Variants in SRSF3 observed in about 807,000 individuals in gnomAD.
The protein encoded by SRSF3 is serine/arginine-rich splicing factor 3.
For missense variants in SRSF3, 58 were observed against 217.1 expected (o/e 0.27, Z 4.61); for synonymous variants, 87 against 73.6 (o/e 1.18, Z -0.93).
Position 36,598,504 on chromosome 6 carries a change from C to T in SRSF3, c.207-345C>T, listed in dbSNP as rs567277726. ...GTTCAAGTGATTCTCCTGCCTCAGC[C>T]GCCTGAGTAGCTGGGATTACAGGCA... On this transcript the variant is annotated intron_variant, in intron 2 of 5. Transcript: ENST00000373715. 245 of 202,864 alleles carry T rather than the reference C, an allele frequency of 1.2e-3. 3 individuals carry two copies. The highest frequency in any genetic ancestry group is 5.1e-3 in the African/African-American group (219 of 42,774). The allele number at this position is 202,864 out of a possible 1,614,324, so 12.6% of individuals were successfully genotyped here.
At chr6:36,600,559 G>GT (rs953379575) in intron 3 of SRSF3, 7 of 153,236 alleles carry the variant, frequency 4.6e-5, no homozygotes, top group African/African-American at 1.7e-4. Context: ...CCTTTAAATG[G>GT]TTTTACTAAC....
intron 3 of SRSF3, chr6:36,599,657 G>A (rs534214444): frequency 6.3e-6 from 3 of 475,592 alleles, no homozygotes; most frequent in Non-Finnish European, 1.1e-5. Flanking sequence ...GGAGACAGGA[G>A]TTCAAAATCT....
chr6:36,600,078 G>A, intron 3 of SRSF3: 1 of 1,185,382 alleles, frequency 8.4e-7, no homozygotes, highest in South Asian at 1.6e-5. Flanking sequence ...CAGCTCAGCT[G>A]TTTATTTACC....
intron 2 of SRSF3, 52 bp from the exon 3 acceptor site, chr6:36,598,797 A>T: frequency 6.3e-7 from 1 of 1,598,460 alleles, no homozygotes; most frequent in Non-Finnish European, 8.5e-7. Flanking sequence ...TGGCTTTAAT[A>T]CGCATGTCAG....
chr6:36,596,531 T>A (rs1332020313), intron 1 of SRSF3, among the ~76,000 whole-genome samples: 1 of 119,468 alleles, frequency 8.4e-6, no homozygotes, highest in African/African-American at 3.3e-5. Flanking sequence ...CACTAATTGC[T>A]GGCTTCCTGA....
intron 1 of SRSF3, among the ~76,000 whole-genome samples, 194 bp from the exon 2 acceptor site, chr6:36,596,567 G>A (rs530200144): frequency 4.0e-5 from 3 of 75,312 alleles, no homozygotes; most frequent in South Asian, 4.5e-4. Context: ...ATAATGGGGC[G>A]GGGTGGCGGG....
chr6:36,604,007 T>A lies in SRSF3; in HGVS notation c.*2018T>A, dbSNP rs1027773309. On this transcript the variant is annotated 3_prime_UTR_variant, in exon 6 of 6. Coordinates refer to ENST00000373715, the MANE Select transcript of SRSF3 (RefSeq NM_003017.5). Reference sequence around the variant, plus strand: ...GTGACATACAGTCCCAGTTGGCAGTTACTTTAACCAGGAGCCCTAGCATAA... The same window carrying A: ...GTGACATACAGTCCCAGTTGGCAGTAACTTTAACCAGGAGCCCTAGCATAA... 6.1e-4 allele frequency: 141 copies of A among 230,486 alleles called. No homozygotes were observed. The highest frequency in any genetic ancestry group is 1.3e-4 in the Non-Finnish European group (15 of 116,522). 14.3% of individuals were successfully genotyped at this position (230,486 alleles called of 1,614,324 possible). A position where few individuals can be genotyped will look rare whatever the true frequency, so the allele number is the denominator to read the frequency against.
intron 3 of SRSF3, among the ~76,000 whole-genome samples, chr6:36,599,198 T>C (rs1164926741): frequency 6.6e-6 from 1 of 152,220 alleles, no homozygotes; most frequent in Non-Finnish European, 1.5e-5. Context: ...GTAACTTCTA[T>C]CTTGGATCTG....
rs973511107 is a variant in SRSF3, at chr6:36,603,790, A to G, written c.*1801A>G. 3.5e-5 allele frequency: 8 copies of G among 231,668 alleles called. No individual in the cohort carries two copies. The highest frequency in any genetic ancestry group is 5.1e-5 in the Non-Finnish European group (6 of 117,050). 14.4% of individuals were successfully genotyped at this position (231,668 alleles called of 1,614,324 possible). A position where few individuals can be genotyped will look rare whatever the true frequency, so the allele number is the denominator to read the frequency against. ...GCTAAGAAGTTACGGAAGCCATGCA[A>G]TATGTCAATTACATTGCTTTTTATA... On this transcript the variant is annotated 3_prime_UTR_variant, in exon 6 of 6. Transcript: ENST00000373715.
In SRSF3 at chr6:36,596,783, A is replaced by G. The variant is rs369334022; in HGVS notation, c.21A>G (p.Pro7=). Reference sequence around the variant, plus strand: ...CAGAAATGCATCGTGATTCCTGTCCATTGGACTGTAAGGTTTATGTAGGCA... The same window carrying G: ...CAGAAATGCATCGTGATTCCTGTCCGTTGGACTGTAAGGTTTATGTAGGCA... MHRDSC[P]LDCKVYVGNL... The change falls in exon 2 of 6, where the codon CCA becomes CCG. Residue 7 remains proline (P), a synonymous_variant. Transcript: ENST00000373715. 19 of 1,613,870 alleles carry G rather than the reference A, an allele frequency of 1.2e-5. No individual in the cohort carries two copies. The highest frequency in any genetic ancestry group is 1.5e-5 in the Non-Finnish European group (18 of 1,179,982).
At chr6:36,601,366 T>A (rs1355462474) in intron 4 of SRSF3, 176 bp downstream of exon 4, 2 of 669,834 alleles carry the variant, frequency 3.0e-6, no homozygotes, top group Admixed American at 3.0e-5. Flanking sequence ...AGTATTTAAT[T>A]TTTTAAAAAA....
rs371153754 is a variant in SRSF3 at position 36,601,940 on chromosome 6, C to G, written c.468-22C>G. ...AGTTACAGATGTAATGTTTTGTTTT[C>G]TTTTTTTTTTTTTTTTTTTAGTCGA... On this transcript the variant is annotated intron_variant, in intron 5 of 5. Coordinates refer to ENST00000373715, the MANE Select transcript of SRSF3 (RefSeq NM_003017.5). 1.8e-4 allele frequency: 258 copies of G among 1,433,072 alleles called. 1 individual carries two copies. The highest frequency in any genetic ancestry group is 1.0e-3 in the African/African-American group (60 of 59,454). 88.8% of individuals were successfully genotyped at this position (1,433,072 alleles called of 1,614,324 possible).
At chr6:36,601,610 T>A in intron 4 of SRSF3, 98 bp from the exon 5 acceptor site, 1 of 1,180,114 alleles carries the variant, frequency 8.5e-7, no homozygotes, top group South Asian at 1.5e-5. Flanking sequence ...TCCCAAAATA[T>A]TGGAATTATT....
chr6:36,597,289 A>G (rs1008579419), intron 2 of SRSF3: 6 of 323,168 alleles, frequency 1.9e-5, no homozygotes, highest in Non-Finnish European at 2.3e-5. Flanking sequence ...TATTTCTAGC[A>G]GAGATGGGGT....
rs1778675345 is a variant in SRSF3, at chr6:36,598,960, G to A, written c.318G>A (p.Arg106=). The A allele has an allele frequency of 1.2e-6, 2 of 1,614,198 alleles. No individual in the cohort carries two copies. Among genetic ancestry groups the A allele is most frequent in the East Asian group, 2.2e-5 (1 of 44,888 alleles). Residue 106 remains arginine, a synonymous_variant, in exon 3 of 6, where the codon AGG becomes AGA. Coordinates refer to ENST00000373715, the MANE Select transcript of SRSF3 (RefSeq NM_003017.5). ...GTCGCCCTCGAGATGATTATCGTAG[G>A]AGGAGTCCTCCACCTCGTCGCAGGT... ...WGRRPRDDYR[R]RSPPPRRRSP... is the part of the protein sequence containing the mutation.
Position 36,603,419 on chromosome 6 carries a change from A to G in SRSF3, c.*1430A>G, listed in dbSNP as rs1376919872. The G allele has an allele frequency of 4.5e-6, 1 of 223,838 alleles. No homozygotes were observed. Among genetic ancestry groups the G allele is most frequent in the African/African-American group, 2.2e-5 (1 of 44,852 alleles). The allele number at this position is 223,838 out of a possible 1,614,324, so 13.9% of individuals were successfully genotyped here. On this transcript the variant is annotated 3_prime_UTR_variant, in exon 6 of 6. Transcript: ENST00000373715. ...AATTTTTGTGCAATTAGATTAAATC[A>G]TAATGCAACAGTCTTGTGGCTTAGT...
In SRSF3 at chr6:36,603,938, A is replaced by C. The variant is rs1348783269; in HGVS notation, c.*1949A>C. ...ATATGGCTAAGAGAAATAATACAGA[A>C]CCTGAAATAAAAGTAACTTCACCAG... On this transcript the variant is annotated 3_prime_UTR_variant, in exon 6 of 6. Coordinates refer to ENST00000373715, the MANE Select transcript of SRSF3 (RefSeq NM_003017.5). The C allele has an allele frequency of 8.7e-6, 2 of 230,534 alleles. No individual in the cohort carries two copies. Among genetic ancestry groups the C allele is most frequent in the Non-Finnish European group, 1.7e-5 (2 of 116,514 alleles). 14.3% of individuals were successfully genotyped at this position (230,534 alleles called of 1,614,324 possible). A position where few individuals can be genotyped will look rare whatever the true frequency, so the allele number is the denominator to read the frequency against.
At position 36,602,498 on chromosome 6, in the gene SRSF3, A is replaced by C; in HGVS notation, c.*509A>C. On this transcript the variant is annotated 3_prime_UTR_variant, in exon 6 of 6. Transcript: ENST00000373715. Reference sequence around the variant, plus strand: ...GAGGTTTTTGAAAAATCCAACTCTCATCCTGGGCAGAGGTTGCCTAGTTGG... The same window carrying C: ...GAGGTTTTTGAAAAATCCAACTCTCCTCCTGGGCAGAGGTTGCCTAGTTGG... The C allele has an allele frequency of 4.5e-6, 1 of 222,624 alleles. No homozygotes were observed. The highest frequency in any genetic ancestry group is 9.0e-6 in the Non-Finnish European group (1 of 111,534). 13.8% of individuals were successfully genotyped at this position (222,624 alleles called of 1,614,324 possible).
rs575205979 is a variant in SRSF3 at position 36,603,346 on chromosome 6, A to T, written c.*1357A>T. On this transcript the variant is annotated 3_prime_UTR_variant, in exon 6 of 6. Transcript: ENST00000373715. Reference sequence around the variant, plus strand: ...TGTAACAGTGCAGAATTGAATATGGAGGCATGCATAACCTTCCTCTTAGAA... The same window carrying T: ...TGTAACAGTGCAGAATTGAATATGGTGGCATGCATAACCTTCCTCTTAGAA... 1 of 224,816 alleles carries T rather than the reference A, an allele frequency of 4.4e-6. No homozygotes were observed. Among genetic ancestry groups the T allele is most frequent in the South Asian group, 1.8e-4 (1 of 5,466 alleles). The allele number at this position is 224,816 out of a possible 1,614,324, so 13.9% of individuals were successfully genotyped here. A position where few individuals can be genotyped will look rare whatever the true frequency, so the allele number is the denominator to read the frequency against.
Sources: gnomAD v4.1 joint callset for allele counts (sites outside exome capture counted in the v4.1 genomes callset) on GRCh38, gnomAD v4.1.1 for gene constraint, MANE v1.5 for transcripts, NCBI Gene and HGNC (gene_info 2026-07-23, HGNC 2026-07-21) for gene names.